TNS1: variants seen among roughly 807,000 people sequenced by gnomAD.
TNS1 encodes tensin 1, also known as tensin-1.
In TNS1, 62 loss-of-function variants were observed where a neutral mutation model predicts 168.6. The observed-to-expected ratio is 0.37, with a 90% CI of 0.30 to 0.45. TNS1 has a LOEUF of 0.45. Ranked by LOEUF, TNS1 falls within the 20% of genes least tolerant of loss-of-function variation. The probability of loss-of-function intolerance (pLI) is 1.00; values close to 1 mark genes in which losing one functional copy is unlikely to be tolerated. For synonymous variants in TNS1, 934 were observed against 933.2 expected, an observed-to-expected ratio of 1.00 and a Z score of -0.02; for missense variants, 2,240 against 2,339.4, an observed-to-expected ratio of 0.96 and a Z score of 0.88.
chr2:217,854,796 G>A (rs897719113), intron 18 of TNS1, among the ~76,000 whole-genome samples: 1 of 152,174 alleles, frequency 6.6e-6, no homozygotes, highest in Non-Finnish European at 1.5e-5. Flanking sequence ...CAGGACAGGA[G>A]GGAGGGCTGG....
Position 217,848,373 on chromosome 2 carries a change from C to T in TNS1, c.2144G>A (p.Gly715Asp). ...TGGGTGGGGCCCCTCCCTCTGGTAGCCAGCTAAACCCTCCTGTGCAGAGTA... is the reference window on the plus strand; with the variant it reads ...TGGGTGGGGCCCCTCCCTCTGGTAGTCAGCTAAACCCTCCTGTGCAGAGTA... Reference protein sequence around the residue: ...PSYSAQEGLAGYQREGPHPAW... With the variant: ...PSYSAQEGLADYQREGPHPAW... The change falls in exon 19 of 33, where the codon GGC becomes GAC. Residue 715 changes from glycine to aspartate, a missense_variant. Coordinates refer to ENST00000682258, the MANE Select transcript of TNS1 (RefSeq NM_001387777.1). 1 of 1,542,394 alleles carries T rather than the reference C, an allele frequency of 6.5e-7. No homozygotes were observed.
intron 1 of TNS1, 94 bp from the exon 2 acceptor site, chr2:217,991,150 G>A: frequency 2.1e-6 from 1 of 482,836 alleles, no homozygotes. Flanking sequence ...GGCAGGGACA[G>A]GGAAAAGGAT....
chr2:217,857,549 C>T (rs1339789202), intron 18 of TNS1, among the ~76,000 whole-genome samples: 3 of 152,198 alleles, frequency 2.0e-5, no homozygotes, highest in Non-Finnish European at 2.9e-5. Flanking sequence ...CCCGGACCCT[C>T]CTTAGGAAGG....
At chr2:217,889,787 T>A (rs1197311726) in intron 12 of TNS1, among the ~76,000 whole-genome samples, 1 of 152,224 alleles carries the variant, frequency 6.6e-6, no homozygotes, top group African/African-American at 2.4e-5. Flanking sequence ...GGTGCTGACA[T>A]CACGGCAGGT....
At position 217,855,946 on chromosome 2, in the gene TNS1, C is replaced by T. The variant is rs182787314; in HGVS notation, c.1430-6859G>A. Among the ~76,000 whole-genome samples the T allele has an allele frequency of 8.1e-4, 123 of 152,252 alleles. 2 individuals are homozygous for T. The highest frequency in any genetic ancestry group is 2.8e-3 in the African/African-American group (118 of 41,560). On this transcript the variant is annotated intron_variant, in intron 18 of 32. Coordinates refer to ENST00000682258, the MANE Select transcript of TNS1 (RefSeq NM_001387777.1). Reference sequence around the variant, plus strand: ...GAGGTCCCTGAGCCAGAGCCTACCCCATGGCATCCCCTACAGACCTCTCCA... The same window carrying T: ...GAGGTCCCTGAGCCAGAGCCTACCCTATGGCATCCCCTACAGACCTCTCCA...
At chr2:217,884,147 G>A (rs4672853) in intron 16 of TNS1, among the ~76,000 whole-genome samples, 37 of 119,644 alleles carry the variant, frequency 3.1e-4, no homozygotes, top group Admixed American at 1.1e-3. Flanking sequence ...GGGTGGGTGG[G>A]TGGATGGATG....
At chr2:217,899,344 G>A (rs1480503614) in intron 7 of TNS1, among the ~76,000 whole-genome samples, 1 of 152,154 alleles carries the variant, frequency 6.6e-6, no homozygotes, top group African/African-American at 2.4e-5. Context: ...TTGCAGCTGT[G>A]GGGGAGAAGT....
At chr2:217,917,788 A>G (rs1955200361) in intron 4 of TNS1, among the ~76,000 whole-genome samples, 1 of 144,392 alleles carries the variant, frequency 6.9e-6, no homozygotes, top group Admixed American at 7.4e-5. Flanking sequence ...CCAAGATCAC[A>G]CCACTGCACT....
rs541483930 is a variant in TNS1 at position 217,992,685 on chromosome 2, C to T, written c.34-1629G>A. On this transcript the variant is annotated intron_variant, in intron 1 of 32. Transcript: ENST00000682258. ...AAAGGACAGGGGAGAGAGAGGGGTG[C>T]GGGAAGCAGACAGGACAGAGAGAGA... The T allele has an allele frequency of 5.3e-5, 8 of 151,864 alleles. No individual in the cohort carries two copies. The East Asian group carries it at 5.8e-4, about 11-fold the overall frequency. 9.4% of individuals were successfully genotyped at this position (151,864 alleles called of 1,614,324 possible).
Position 217,847,647 on chromosome 2 carries a change from G to T in TNS1, c.2870C>A (p.Pro957His). Residue 957 changes from proline to histidine, a missense_variant, in exon 19 of 33, where the codon CCT becomes CAT. Coordinates refer to ENST00000682258, the MANE Select transcript of TNS1 (RefSeq NM_001387777.1). ...FLPTTHSPPG[P>H]QQPPASLPGL... is the part of the protein sequence containing the mutation. ...AGGGAGAGAGGCTGGGGGTTGCTGA[G>T]GCCCTGGAGGGCTGTGGGTGGTCGG... 6.3e-7 allele frequency: 1 copy of T among 1,588,588 alleles called. No homozygotes were observed. The highest frequency in any genetic ancestry group is 8.6e-7 in the Non-Finnish European group (1 of 1,160,086).
intron 3 of TNS1, among the ~76,000 whole-genome samples, chr2:217,978,459 A>C (rs1436329210): frequency 6.7e-6 from 1 of 149,484 alleles, no homozygotes; most frequent in Non-Finnish European, 1.5e-5. Flanking sequence ...TAGCAGAAAC[A>C]CCTTCAAAGG....
intron 4 of TNS1, among the ~76,000 whole-genome samples, chr2:217,913,735 T>C (rs1050598725): frequency 5.3e-5 from 8 of 151,926 alleles, no homozygotes; most frequent in African/African-American, 1.9e-4. Flanking sequence ...ACTCCTCCAA[T>C]ATCTGGCCCC....
At chr2:217,826,952 C>A (rs1289287466) in intron 22 of TNS1, among the ~76,000 whole-genome samples, 1 of 152,122 alleles carries the variant, frequency 6.6e-6, no homozygotes, top group Non-Finnish European at 1.5e-5. Context: ...TAACTAAAAT[C>A]AAGACATGTG....
intron 22 of TNS1, among the ~76,000 whole-genome samples, chr2:217,824,831 G>C (rs6731105): frequency 0.016 from 2,449 of 152,098 alleles, 81 homozygotes; most frequent in African/African-American, 0.056. Context: ...ACGGCTCTCG[G>C]CACCACCTCT....
At chr2:217,841,285 GCTGC>G (rs1282407370) in intron 19 of TNS1, 1 of 984,892 alleles carries the variant, frequency 1.0e-6, no homozygotes, top group Non-Finnish European at 1.2e-6. Flanking sequence ...GGCGTTGTAC[GCTGC>G]CCACCCCCCA....
chr2:217,979,650 A>C (rs1425853502), intron 2 of TNS1, among the ~76,000 whole-genome samples: 2 of 151,744 alleles, frequency 1.3e-5, no homozygotes, highest in East Asian at 1.9e-4. Context: ...CCCACCCCCC[A>C]GGGCTCTGGG....
intron 4 of TNS1, among the ~76,000 whole-genome samples, chr2:217,912,219 G>C (rs1954496416): frequency 6.6e-6 from 1 of 152,196 alleles, no homozygotes; most frequent in Non-Finnish European, 1.5e-5. Context: ...GGGTGGGCTG[G>C]GAAAAATGTA....
chr2:217,980,132 G>A (rs1958003986), intron 2 of TNS1, among the ~76,000 whole-genome samples: 1 of 152,044 alleles, frequency 6.6e-6, no homozygotes, highest in African/African-American at 2.4e-5. Context: ...CCCTAACATG[G>A]GATCTTCTTC....
chr2:218,003,627 T>C (rs956341465), upstream of TNS1, among the ~76,000 whole-genome samples: 4 of 151,346 alleles, frequency 2.6e-5, no homozygotes, highest in African/African-American at 7.3e-5. Context: ...TCCTATTTCT[T>C]TTTTTTTCCC....
Sources: gnomAD v4.1 joint callset for allele counts (sites outside exome capture counted in the v4.1 genomes callset) on GRCh38, gnomAD v4.1.1 for gene constraint, MANE v1.5 for transcripts, NCBI Gene and HGNC (gene_info 2026-07-23, HGNC 2026-07-21) for gene names.